Variants in FLI1 observed in about 807,000 individuals in gnomAD.
FLI1 encodes Fli-1 proto-oncogene, ETS transcription factor, also known as Friend leukemia integration 1 transcription factor.
In FLI1, 13 loss-of-function variants were observed where a neutral mutation model predicts 53.1. The observed-to-expected ratio is 0.24, with a 90% CI of 0.16 to 0.39. The LOEUF (loss-of-function observed/expected upper bound fraction) is 0.39, where lower values mean the gene tolerates loss of function less well. FLI1 is among the 10% of genes least tolerant of loss of function. FLI1 has a pLI of 1.00. For missense variants in FLI1, 424 were observed against 600.5 expected, an observed-to-expected ratio of 0.71 and a Z score of 3.07; for synonymous variants, 244 against 236.7, an observed-to-expected ratio of 1.03 and a Z score of -0.28.
intron 5 of FLI1, among the ~76,000 whole-genome samples, chr11:128,782,863 A>G (rs1162124986): frequency 1.3e-5 from 2 of 152,230 alleles, no homozygotes; most frequent in Non-Finnish European, 2.9e-5. Context: ...TTTATGAAAC[A>G]TCGTGAGGAG....
intron 1 of FLI1, among the ~76,000 whole-genome samples, chr11:128,746,290 G>A (rs1940384324): frequency 1.3e-5 from 2 of 152,144 alleles, no homozygotes; most frequent in African/African-American, 4.8e-5. Context: ...TGCCTAACTA[G>A]AATTTGTCCT....
chr11:128,718,752 A>G (rs1024512532), intron 1 of FLI1, among the ~76,000 whole-genome samples: 6 of 152,230 alleles, frequency 3.9e-5, no homozygotes, highest in Non-Finnish European at 8.8e-5. Context: ...TCAAGAGGCC[A>G]ATCCCTGGGT....
intron 5 of FLI1, among the ~76,000 whole-genome samples, chr11:128,786,036 T>C (rs1942067341): frequency 6.6e-6 from 1 of 152,132 alleles, no homozygotes; most frequent in African/African-American, 2.4e-5. Flanking sequence ...ATGCAAAAAT[T>C]AAAATAAAAA....
At chr11:128,781,768 G>A (rs1941921948) in intron 4 of FLI1, among the ~76,000 whole-genome samples, 190 bp from the exon 5 acceptor site, 1 of 152,100 alleles carries the variant, frequency 6.6e-6, no homozygotes, top group South Asian at 2.1e-4. Flanking sequence ...ACTCCATAAA[G>A]CTATTACAGG....
rs191693230 is a variant in FLI1, at chr11:128,688,743, C to G, written c.-203+2042C>G. ...TAGGTAGGAAAGGGGCAGGGAAGAACAAGGGAAAGGGAGAGAGGGAAGAGG... is the reference window on the plus strand; with the variant it reads ...TAGGTAGGAAAGGGGCAGGGAAGAAGAAGGGAAAGGGAGAGAGGGAAGAGG... On this transcript the variant is annotated intron_variant, in intron 1 of 6. Coordinates refer to the FLI1 transcript ENST00000344954. Among the ~76,000 whole-genome samples, 9 of 152,194 alleles carry G rather than the reference C, an allele frequency of 5.9e-5. No homozygotes were observed. In the East Asian group the frequency reaches 1.7e-3, roughly 29 times the overall value.
chr11:128,694,454 G>A (rs1308781425), intron 1 of FLI1, among the ~76,000 whole-genome samples, 178 bp downstream of exon 1: 2 of 32 alleles, frequency 0.062, no homozygotes, highest in Non-Finnish European at 0.11. Flanking sequence ...CGGGCCAGCC[G>A]GCCAGGCGCC....
chr11:128,755,770 G>A (rs571101025), intron 1 of FLI1, among the ~76,000 whole-genome samples: 18 of 152,312 alleles, frequency 1.2e-4, no homozygotes, highest in African/African-American at 4.3e-4. Context: ...CTCGGTTGGG[G>A]GATGTAAGTG....
At chr11:128,799,035 T>C (rs1942536933) in intron 5 of FLI1, among the ~76,000 whole-genome samples, 1 of 134,518 alleles carries the variant, frequency 7.4e-6, no homozygotes, top group South Asian at 2.4e-4. Context: ...ATTATTATTA[T>C]TATTATTATT....
chr11:128,698,936 C>CT (rs1366940411), intron 1 of FLI1, among the ~76,000 whole-genome samples: 3 of 151,988 alleles, frequency 2.0e-5, no homozygotes, highest in Non-Finnish European at 4.4e-5. Context: ...AAAATAAGTC[C>CT]TTCTTTTCCA....
chr11:128,766,671 G>A (rs989060757), intron 2 of FLI1, among the ~76,000 whole-genome samples: 1 of 151,832 alleles, frequency 6.6e-6, no homozygotes, highest in Admixed American at 6.6e-5. Flanking sequence ...GTTAGTGACT[G>A]CCGTCCCTGC....
At chr11:128,714,020 A>G (rs1299222477) in intron 1 of FLI1, among the ~76,000 whole-genome samples, 2 of 152,170 alleles carry the variant, frequency 1.3e-5, no homozygotes, top group African/African-American at 4.8e-5. Flanking sequence ...TTACCTTAGA[A>G]GGCATTATCA....
chr11:128,733,806 A>G (rs994215455), intron 1 of FLI1, among the ~76,000 whole-genome samples: 1 of 152,196 alleles, frequency 6.6e-6, no homozygotes, highest in Non-Finnish European at 1.5e-5. Context: ...TTCCTTTCAC[A>G]TGGAGCAAAG....
chr11:128,733,509 G>A (rs972516984), intron 1 of FLI1, among the ~76,000 whole-genome samples: 1 of 152,138 alleles, frequency 6.6e-6, no homozygotes, highest in Non-Finnish European at 1.5e-5. Flanking sequence ...GAGTGAACAC[G>A]GTCAAGTTAG....
intron 5 of FLI1, among the ~76,000 whole-genome samples, chr11:128,796,105 G>A (rs1262716118): frequency 6.6e-6 from 1 of 152,118 alleles, no homozygotes; most frequent in Non-Finnish European, 1.5e-5. Context: ...CCCCAGCCCA[G>A]AGTTCTTTCC....
At position 128,808,479 on chromosome 11, in the gene FLI1, T is replaced by G. The variant is rs112037372; in HGVS notation, c.782-678T>G. Among the ~76,000 whole-genome samples the G allele has an allele frequency of 1.2e-4, 19 of 152,308 alleles. 1 individual carries two copies. Among genetic ancestry groups the G allele is most frequent in the African/African-American group, 4.6e-4 (19 of 41,582 alleles). On this transcript the variant is annotated intron_variant, in intron 7 of 8. Coordinates refer to ENST00000527786, the MANE Select transcript of FLI1 (RefSeq NM_002017.5). ...CATACGTTTTGAGGAAAGTGAGATT[T>G]TAAGAATAGTCATTTTATAGCTAAA...
chr11:128,703,784 G>A (rs1262489716), intron 1 of FLI1, among the ~76,000 whole-genome samples: 2 of 147,646 alleles, frequency 1.4e-5, no homozygotes, highest in African/African-American at 5.0e-5. Flanking sequence ...CAGAAGTTGT[G>A]GTGAGCCGAG....
chr11:128,719,635 T>C (rs1939173691), intron 1 of FLI1, among the ~76,000 whole-genome samples: 1 of 152,144 alleles, frequency 6.6e-6, no homozygotes, highest in Non-Finnish European at 1.5e-5. Context: ...GGAGCTGAAT[T>C]ACATTCATCC....
intron 1 of FLI1, among the ~76,000 whole-genome samples, chr11:128,701,314 T>C (rs1418492556): frequency 1.5e-5 from 2 of 135,574 alleles, no homozygotes; most frequent in African/African-American, 5.8e-5. Flanking sequence ...AGATAGTGCT[T>C]GAGAGGAGAA....
rs1186555006 is a variant in FLI1 at position 128,799,043 on chromosome 11, A to AT, written c.656-6321dup. On this transcript the variant is annotated intron_variant, in intron 5 of 8. Coordinates refer to ENST00000527786, the MANE Select transcript of FLI1 (RefSeq NM_002017.5). ...TTATATTATTATTATTATTATTATT[A>AT]TTATTATTATTTTGCTTTGGAGACA... Among the ~76,000 whole-genome samples the AT allele has an allele frequency of 7.2e-4, 92 of 128,668 alleles. 2 individuals are homozygous for AT. The highest frequency in any genetic ancestry group is 9.5e-4 in the Non-Finnish European group (57 of 60,176). 84.4% of individuals were successfully genotyped at this position (128,668 alleles called of 152,430 possible). A position where few individuals can be genotyped will look rare whatever the true frequency, so the allele number is the denominator to read the frequency against.
Sources: allele counts gnomAD v4.1 joint callset (sites outside exome capture counted in the v4.1 genomes callset), GRCh38; gene constraint gnomAD v4.1.1; transcripts MANE v1.5; gene names NCBI Gene and HGNC (gene_info 2026-07-23, HGNC 2026-07-21).